Variants in ACAD11 observed in about 807,000 individuals in gnomAD.
The protein encoded by ACAD11 is acyl-Coenzyme A dehydrogenase family, member 11.
Under a neutral mutation model 102.2 loss-of-function variants are expected in ACAD11, and 83 were observed. The ratio of observed to expected loss-of-function variants is 0.81; its 90% CI spans 0.68 to 0.97. The LOEUF is 0.97. Among genes scored for constraint, ACAD11 ranks in the 50% least tolerant of loss-of-function variants. The probability of loss-of-function intolerance (pLI) is 0.00; values close to 1 mark genes in which losing one functional copy is unlikely to be tolerated. For missense variants in ACAD11, 901 were observed against 951.7 expected (o/e 0.95, Z 0.70); for synonymous variants, 324 against 319.8 (o/e 1.01, Z -0.14).
rs370689849 is a variant in ACAD11, at chr3:132,642,733, A to G, written c.319T>C (p.Tyr107His). ...CCAATGACAGAAGTATCACTGCAGT[A>G]CAGTATAGGCTTGGGAACGGGGAAT... ...IGFPVPKPIL[Y>H]CSDTSVIGTE... is the part of the protein sequence containing the mutation. Residue 107 changes from tyrosine to histidine, a missense_variant, in exon 3 of 20, where the codon TAC becomes CAC. By Grantham distance (83) the Tyr-to-His change is moderately conservative. Transcript: ENST00000264990. 7.4e-6 allele frequency: 12 copies of G among 1,613,396 alleles called. No individual in the cohort carries two copies. In the African/African-American group the frequency reaches 1.6e-4, roughly 22 times the overall value.
intron 13 of ACAD11, among the ~76,000 whole-genome samples, chr3:132,584,022 G>T (rs1226860777): frequency 2.0e-5 from 3 of 152,182 alleles, no homozygotes; most frequent in African/African-American, 4.8e-5. Flanking sequence ...GTGCTGAAAA[G>T]AATGTATATT....
intron 1 of ACAD11, 167 bp downstream of exon 1, chr3:132,659,436 T>A (rs1938004815): frequency 2.2e-6 from 2 of 906,718 alleles, no homozygotes; most frequent in Middle Eastern, 2.6e-4. Flanking sequence ...GCCCCCAGCA[T>A]CGAATTCGGA....
chr3:132,561,299 G>C (rs1482950540), intron 17 of ACAD11, 82 bp from the exon 18 acceptor site: 7 of 999,854 alleles, frequency 7.0e-6, no homozygotes, highest in Non-Finnish European at 1.1e-5. Context: ...CTTATAGTTT[G>C]GTGAAAACAC....
chr3:132,627,513 C>T (rs1027053495), intron 8 of ACAD11, among the ~76,000 whole-genome samples: 4 of 152,096 alleles, frequency 2.6e-5, no homozygotes, highest in Non-Finnish European at 5.9e-5. Flanking sequence ...TTAATATATG[C>T]CTCACAAATA....
At chr3:132,583,818 A>T (rs1559940078) in intron 13 of ACAD11, among the ~76,000 whole-genome samples, 1 of 152,148 alleles carries the variant, frequency 6.6e-6, no homozygotes, top group Non-Finnish European at 1.5e-5. Context: ...CCTAGTAGTC[A>T]TTCAGGAGCA....
At chr3:132,623,272 AT>A (rs1939673741) in intron 9 of ACAD11, among the ~76,000 whole-genome samples, 1 of 152,170 alleles carries the variant, frequency 6.6e-6, no homozygotes, top group Non-Finnish European at 1.5e-5. Context: ...CTGTTAAAGT[AT>A]TGTATTATAT....
intron 1 of ACAD11, among the ~76,000 whole-genome samples, chr3:132,651,439 T>C (rs1940927260): frequency 6.6e-6 from 1 of 152,224 alleles, no homozygotes; most frequent in South Asian, 2.1e-4. Flanking sequence ...CCAGTGATAT[T>C]TTCCTTGACA....
At chr3:132,656,635 C>G (rs1413438120) in intron 1 of ACAD11, among the ~76,000 whole-genome samples, 2 of 151,828 alleles carry the variant, frequency 1.3e-5, no homozygotes, top group African/African-American at 4.8e-5. Context: ...CTGGGATTTA[C>G]AGGTACCCAC....
intron 13 of ACAD11, among the ~76,000 whole-genome samples, chr3:132,582,301 A>G (rs142969601): frequency 5.3e-5 from 8 of 151,564 alleles, no homozygotes; most frequent in Non-Finnish European, 7.4e-5. Context: ...TTTATCTACA[A>G]TTATAATGGA....
chr3:132,586,175 G>A (rs2107802243), intron 13 of ACAD11, among the ~76,000 whole-genome samples: 1 of 152,296 alleles, frequency 6.6e-6, no homozygotes, highest in South Asian at 2.1e-4. Flanking sequence ...AAAATGATGA[G>A]TTCATGTCCT....
At position 132,605,112 on chromosome 3, in the gene ACAD11, C is replaced by G; in HGVS notation, c.1508G>C (p.Cys503Ser). Residue 503 changes from cysteine to serine, a missense_variant, in exon 12 of 20, where the codon TGC becomes TCC. Coordinates refer to ENST00000264990, the MANE Select transcript of ACAD11 (RefSeq NM_032169.5). ...TTGGCATTTACCTGTCATACAGAAG[C>G]AAGAGGTAATGTTCCCTTGAAGAAG... ...EPLLQGNITSCFCMTEPDVAS... is the reference protein window; with the variant it reads ...EPLLQGNITSSFCMTEPDVAS... 1.2e-6 allele frequency: 2 copies of G among 1,612,476 alleles called. No homozygotes were observed. The highest frequency in any genetic ancestry group is 1.7e-6 in the Non-Finnish European group (2 of 1,178,734).
At chr3:132,640,661 A>G (rs767376726) in intron 4 of ACAD11, among the ~76,000 whole-genome samples, 18 of 152,268 alleles carry the variant, frequency 1.2e-4, no homozygotes, top group Non-Finnish European at 1.6e-4. Context: ...TATCTAAGCC[A>G]CTTACTTGTG....
intron 1 of ACAD11, chr3:132,647,531 T>C (rs577827201): frequency 1.3e-5 from 2 of 152,322 alleles, no homozygotes; most frequent in South Asian, 2.1e-4. Flanking sequence ...ATCCATAGCA[T>C]TGGTTCCCTT....
Position 132,575,895 on chromosome 3 carries a change from G to T in ACAD11, c.1878C>A (p.Gly626=). 1 of 1,613,978 alleles carries T rather than the reference G, an allele frequency of 6.2e-7. No homozygotes were observed. The highest frequency in any genetic ancestry group is 2.2e-5 in the East Asian group (1 of 44,868). The change falls in exon 17 of 20, where the codon GGC becomes GGA. Residue 626 remains glycine (G), a synonymous_variant. Transcript: ENST00000264990. ...GGTGGATTCTGCCAGGTCCAAGGCG[G>T]CCTTGGGAAATTTCAAATCCCCTAC... is the stretch of plus-strand genomic sequence containing the variant. ...GEGRGFEISQ[G]RLGPGRIHHC...
intron 12 of ACAD11, among the ~76,000 whole-genome samples, chr3:132,603,980 T>A (rs1297094079): frequency 6.6e-6 from 1 of 152,226 alleles, no homozygotes; most frequent in Non-Finnish European, 1.5e-5. Context: ...AAGACTTATT[T>A]TTTTTCTTTT....
At chr3:132,582,373 G>A (rs1473948741) in intron 13 of ACAD11, among the ~76,000 whole-genome samples, 1 of 151,332 alleles carries the variant, frequency 6.6e-6, no homozygotes, top group Admixed American at 6.6e-5. Flanking sequence ...AGGGCATGAT[G>A]TTTGGATGTG....
At position 132,619,491 on chromosome 3, in the gene ACAD11, GT is replaced by G. The variant is rs764227110; in HGVS notation, c.1251del (p.Lys417AsnfsTer3). ...ACCTTGAGTTTATCAATCACTAAAG[GT>G]TTTCCCCACTTGTCCACTGAATTTT... ...QNENSVDKWGKPLVIDKLKEM... is the reference protein window; with the variant it reads ...QNENSVDKWGXPLVIDKLKEM... On this transcript the variant is annotated frameshift_variant, in exon 10 of 20. Transcript: ENST00000264990. LOFTEE classifies it high-confidence loss of function. The G allele has an allele frequency of 6.3e-7, 1 of 1,592,464 alleles. No individual in the cohort carries two copies. The highest frequency in any genetic ancestry group is 1.7e-4 in the Middle Eastern group (1 of 5,968).
intron 13 of ACAD11, among the ~76,000 whole-genome samples, chr3:132,596,365 A>C (rs1368058657): frequency 6.6e-6 from 1 of 151,860 alleles, no homozygotes; most frequent in Non-Finnish European, 1.5e-5. Context: ...TGCACAACAA[A>C]CCCCCATGAT....
At chr3:132,609,437 T>C (rs1346569194) in intron 11 of ACAD11, among the ~76,000 whole-genome samples, 1 of 151,970 alleles carries the variant, frequency 6.6e-6, no homozygotes, top group East Asian at 1.9e-4. Context: ...CAATAAAAAA[T>C]GATAAAGGGG....
Sources: gnomAD v4.1 joint callset for allele counts (sites outside exome capture counted in the v4.1 genomes callset) on GRCh38, gnomAD v4.1.1 for gene constraint, MANE v1.5 for transcripts, NCBI Gene and HGNC (gene_info 2026-07-23, HGNC 2026-07-21) for gene names.